Variants in FCRL4 observed in about 807,000 individuals in gnomAD.
FCRL4 encodes Fc receptor-like protein 4.
FCRL4 carries 43 observed loss-of-function variants against 64.1 expected under a neutral mutation model. That is an observed-to-expected ratio of 0.67 (90% CI 0.53 to 0.87). The LOEUF is 0.87. Ranked by LOEUF, FCRL4 falls within the 40% of genes least tolerant of loss-of-function variation. FCRL4 has a pLI of 0.00. For synonymous variants in FCRL4, 253 were observed against 239.8 expected (o/e 1.05, Z -0.51); for missense variants, 656 against 613.5 (o/e 1.07, Z -0.73).
chr1:157,580,307 A>C lies in FCRL4; in HGVS notation c.1277+14T>G. 1.2e-6 allele frequency: 2 copies of C among 1,614,092 alleles called. No individual in the cohort carries two copies. The highest frequency in any genetic ancestry group is 1.7e-4 in the Middle Eastern group (1 of 6,060). On this transcript the variant is annotated intron_variant, in intron 8 of 11. Transcript: ENST00000271532. ...CGGGAAACTAAAAAGGAATGGCAGA[A>C]ACTGAGGTCTCACCTGGTTTCGTCT...
chr1:157,590,777 A>G (rs191413487), intron 2 of FCRL4, among the ~76,000 whole-genome samples: 297 of 152,202 alleles, frequency 2.0e-3, no homozygotes, highest in Non-Finnish European at 3.5e-3. Context: ...TCAGCCTCCC[A>G]AAGTGCTGGA....
Position 157,587,504 on chromosome 1 carries a change from A to C in FCRL4, c.619T>G (p.Ser207Ala). Residue 207 changes from serine to alanine, a missense_variant, in exon 5 of 12, where the codon TCT becomes GCT. Ser to Ala is a moderately conservative substitution (Grantham distance 99, BLOSUM62 1). Transcript: ENST00000271532. Reference protein sequence around the residue: ...ATDSQPTEGNSVNLSCETQLP... With the variant: ...ATDSQPTEGNAVNLSCETQLP... The stretch of plus-strand genomic sequence containing the variant: ...TGTGTTTCACAGCTCAGGTTTACAG[A>C]ATTCCCCTCTGTAGGCTGAGAGTCT... The C allele has an allele frequency of 1.2e-6, 2 of 1,614,204 alleles. No individual in the cohort carries two copies. The highest frequency in any genetic ancestry group is 8.5e-7 in the Non-Finnish European group (1 of 1,180,034).
At chr1:157,583,550 G>T (rs1652609795) in intron 6 of FCRL4, among the ~76,000 whole-genome samples, 1 of 152,156 alleles carries the variant, frequency 6.6e-6, no homozygotes, top group African/African-American at 2.4e-5. Context: ...CACCAGAAAG[G>T]TTGTGCTGCT....
intron 10 of FCRL4, 31 bp from the exon 11 acceptor site, chr1:157,575,761 G>A (rs764799871): frequency 6.2e-7 from 1 of 1,610,656 alleles, no homozygotes; most frequent in East Asian, 2.2e-5. Context: ...ACTGGACTAT[G>A]GGCATAATGA....
At position 157,573,829 on chromosome 1, in the gene FCRL4, C is replaced by A; in HGVS notation, c.*1695G>T. ...TTTTGCTTTTATAAAAACATCACTA[C>A]AATAAACTATCACTTATATCCAAAA... On this transcript the variant is annotated 3_prime_UTR_variant, in exon 12 of 12. Transcript: ENST00000271532. The A allele has an allele frequency of 5.2e-6, 1 of 190,860 alleles. No homozygotes were observed. The highest frequency in any genetic ancestry group is 1.1e-5 in the Non-Finnish European group (1 of 91,042). The allele number at this position is 190,860 out of a possible 1,614,324, so 11.8% of individuals were successfully genotyped here. A position where few individuals can be genotyped will look rare whatever the true frequency, so the allele number is the denominator to read the frequency against.
In FCRL4 at chr1:157,588,138, G is replaced by A. The variant is rs1165996564; in HGVS notation, c.308-19C>T. 3.2e-6 allele frequency: 5 copies of A among 1,580,276 alleles called. No homozygotes were observed. The highest frequency in any genetic ancestry group is 4.3e-6 in the Non-Finnish European group (5 of 1,164,874). On this transcript the variant is annotated intron_variant, in intron 3 of 11. Coordinates refer to ENST00000271532, the MANE Select transcript of FCRL4 (RefSeq NM_031282.3). The stretch of plus-strand genomic sequence containing the variant: ...AAGGAGTCTGGAAAAGACACAGAGA[G>A]GAGATCGTCATTCAAAGCATTCCTG...
intron 4 of FCRL4, 53 bp downstream of exon 4, chr1:157,587,812 A>T: frequency 6.6e-7 from 1 of 1,517,942 alleles, no homozygotes; most frequent in Non-Finnish European, 9.0e-7. Flanking sequence ...TTACATGCTC[A>T]GTTTCCTATC....
rs1384789697 is a variant in FCRL4, at chr1:157,578,532, T to G, written c.1371A>C (p.Lys457Asn). 4 of 1,613,848 alleles carry G rather than the reference T, an allele frequency of 2.5e-6. No homozygotes were observed. The highest frequency in any genetic ancestry group is 3.4e-6 in the Non-Finnish European group (4 of 1,179,738). Residue 457 changes from lysine (K) to asparagine (N), a missense_variant, in exon 10 of 12, where the codon AAA becomes AAC. By Grantham distance (94) the Lys-to-Asn change is moderately conservative. Coordinates refer to ENST00000271532, the MANE Select transcript of FCRL4 (RefSeq NM_031282.3). ...LQSLYVDVHPKKGDLVYSEIQ... is the reference protein window; with the variant it reads ...LQSLYVDVHPNKGDLVYSEIQ... ...TCTCAGAGTATACCAAATCTCCCTT[T>G]TTGGGGTGTACTGGAAAGAAAAGAC...
chr1:157,574,232 T>C lies in FCRL4; in HGVS notation c.*1292A>G, dbSNP rs1652350663. The C allele has an allele frequency of 4.5e-6, 1 of 221,140 alleles. No homozygotes were observed. The highest frequency in any genetic ancestry group is 9.1e-6 in the Non-Finnish European group (1 of 110,448). 13.7% of individuals were successfully genotyped at this position (221,140 alleles called of 1,614,324 possible). A position where few individuals can be genotyped will look rare whatever the true frequency, so the allele number is the denominator to read the frequency against. ...TCATTTTTTTCCCATTTATTTGTTATAGAAGCCAGGTGATTTGCCCTATAG... is the reference window on the plus strand; with the variant it reads ...TCATTTTTTTCCCATTTATTTGTTACAGAAGCCAGGTGATTTGCCCTATAG... On this transcript the variant is annotated 3_prime_UTR_variant, in exon 12 of 12. Transcript: ENST00000271532.
intron 8 of FCRL4, among the ~76,000 whole-genome samples, chr1:157,579,704 ATACATACATAC>A (rs1558153054): frequency 0.064 from 7,333 of 114,010 alleles, 632 homozygotes; most frequent in African/African-American, 0.23. Context: ...GTGACAATAC[ATACATACATAC>A]ATACATACAT....
chr1:157,575,445 G>T lies in FCRL4; in HGVS notation c.*79C>A, dbSNP rs776494146. ...GAATGAGTTGATCATTCCAGGGGCC[G>T]CAAGGACTGCACTGGGCCTGGGACT... On this transcript the variant is annotated 3_prime_UTR_variant, in exon 12 of 12. Transcript: ENST00000271532. The T allele has an allele frequency of 6.3e-5, 65 of 1,036,200 alleles. No homozygotes were observed. The highest frequency in any genetic ancestry group is 8.8e-5 in the Non-Finnish European group (59 of 671,424). The allele number at this position is 1,036,200 out of a possible 1,614,324, so 64.2% of individuals were successfully genotyped here. A position where few individuals can be genotyped will look rare whatever the true frequency, so the allele number is the denominator to read the frequency against.
chr1:157,597,892 A>G, intron 1 of FCRL4, 22 bp downstream of exon 1: 2 of 1,609,778 alleles, frequency 1.2e-6, no homozygotes, highest in Non-Finnish European at 1.7e-6. Flanking sequence ...CAGCAAGCAA[A>G]GGTCTCCTCC....
intron 6 of FCRL4, among the ~76,000 whole-genome samples, chr1:157,583,513 T>C (rs1014024926): frequency 6.6e-6 from 1 of 152,136 alleles, no homozygotes. Flanking sequence ...GCCCCAAAGA[T>C]AGGATTAGTG....
At chr1:157,589,595 G>T in intron 2 of FCRL4, 137 bp from the exon 3 acceptor site, 1 of 1,122,750 alleles carries the variant, frequency 8.9e-7, no homozygotes, top group Non-Finnish European at 1.2e-6. Context: ...TACCCAGGTT[G>T]CAGGTGAGCT....
intron 3 of FCRL4, among the ~76,000 whole-genome samples, 174 bp from the exon 4 acceptor site, chr1:157,588,293 A>G (rs1414356572): frequency 3.3e-5 from 5 of 152,222 alleles, no homozygotes; most frequent in Non-Finnish European, 7.4e-5. Context: ...TACAATTCCT[A>G]AATAAATCCC....
At chr1:157,585,759 G>C (rs1389858201) in intron 6 of FCRL4, among the ~76,000 whole-genome samples, 4 of 152,110 alleles carry the variant, frequency 2.6e-5, no homozygotes, top group African/African-American at 9.7e-5. Flanking sequence ...CTGTGGACTT[G>C]AGGCTGCAGG....
intron 2 of FCRL4, among the ~76,000 whole-genome samples, chr1:157,593,938 C>T (rs771782922): frequency 6.6e-6 from 1 of 152,136 alleles, no homozygotes; most frequent in Non-Finnish European, 1.5e-5. Context: ...AAGATAAGTG[C>T]TTTGGTAGGC....
At position 157,596,364 on chromosome 1, in the gene FCRL4, GAGCC is replaced by G. The variant is rs1354888625; in HGVS notation, c.32-20_32-17del. ...CAGACTGGAGCTGAAAGAGAGTAAA[GAGCC>G]AGCCATCAGCGTAGGCGAAGAGTCC... On this transcript the variant is annotated splice_polypyrimidine_tract_variant and intron_variant, in intron 1 of 11. Transcript: ENST00000271532. 5 of 1,613,790 alleles carry G rather than the reference GAGCC, an allele frequency of 3.1e-6. No individual in the cohort carries two copies. In the East Asian group the frequency reaches 1.1e-4, roughly 36 times the overall value.
At chr1:157,579,542 C>T (rs1198104813) in intron 8 of FCRL4, among the ~76,000 whole-genome samples, 1 of 152,054 alleles carries the variant, frequency 6.6e-6, no homozygotes, top group Non-Finnish European at 1.5e-5. Flanking sequence ...CATTGTGAAA[C>T]CTGGTCTCTA....
Sources: allele counts gnomAD v4.1 joint callset (sites outside exome capture counted in the v4.1 genomes callset), GRCh38; gene constraint gnomAD v4.1.1; transcripts MANE v1.5; gene names NCBI Gene and HGNC (gene_info 2026-07-23, HGNC 2026-07-21).